Variants in ST8SIA4 observed in about 807,000 individuals in gnomAD.
ST8SIA4 encodes ST8 alpha-N-acetyl-neuraminide alpha-2,8-sialyltransferase 4.
ST8SIA4 carries 15 observed loss-of-function variants against 33.9 expected under a neutral mutation model. That is an observed-to-expected ratio of 0.44 (90% CI 0.30 to 0.68). ST8SIA4 has a LOEUF of 0.68. Among genes scored for constraint, ST8SIA4 ranks in the 30% least tolerant of loss-of-function variants. The probability of loss-of-function intolerance (pLI) is 0.10; values close to 1 mark genes in which losing one functional copy is unlikely to be tolerated. For missense variants in ST8SIA4, 321 were observed against 428.0 expected (o/e 0.75, Z 2.21); for synonymous variants, 171 against 151.2 (o/e 1.13, Z -0.96).
At chr5:100,838,981 A>G (rs1187773694) in intron 4 of ST8SIA4, among the ~76,000 whole-genome samples, 3 of 151,952 alleles carry the variant, frequency 2.0e-5, no homozygotes, top group Non-Finnish European at 4.4e-5. Flanking sequence ...TGCACTTAAA[A>G]GAGAACATTA....
intron 4 of ST8SIA4, among the ~76,000 whole-genome samples, chr5:100,850,489 T>A (rs1751668350): frequency 6.6e-6 from 1 of 151,898 alleles, no homozygotes. Context: ...ATACGATAAT[T>A]GAGTTAAATA....
chr5:100,866,542 A>G (rs1000354527), intron 3 of ST8SIA4, among the ~76,000 whole-genome samples: 54 of 151,856 alleles, frequency 3.6e-4, no homozygotes, highest in African/African-American at 1.3e-3. Flanking sequence ...TAACACTTGT[A>G]AAGGACTTCA....
intron 3 of ST8SIA4, among the ~76,000 whole-genome samples, chr5:100,883,544 A>G (rs959122590): frequency 6.6e-6 from 1 of 152,120 alleles, no homozygotes; most frequent in African/African-American, 2.4e-5. Context: ...AAATGTGAGG[A>G]CATGATATTT....
intron 2 of ST8SIA4, among the ~76,000 whole-genome samples, chr5:100,891,733 A>G (rs984370589): frequency 1.3e-5 from 2 of 151,994 alleles, no homozygotes; most frequent in African/African-American, 4.8e-5. Context: ...TTTTAATAAT[A>G]TACATTTGGG....
At chr5:100,894,712 A>G (rs1278822107) in intron 2 of ST8SIA4, among the ~76,000 whole-genome samples, 1 of 152,104 alleles carries the variant, frequency 6.6e-6, no homozygotes, top group Non-Finnish European at 1.5e-5. Flanking sequence ...CTCTTCCTTC[A>G]AATTTCTTAT....
rs547019229 is a variant in ST8SIA4, at chr5:100,824,751, A to G, written c.798-12622T>C. 1.9e-4 allele frequency among the ~76,000 whole-genome samples: 29 copies of G among 152,222 alleles called. No individual in the cohort carries two copies. In the South Asian group the frequency reaches 6.0e-3, roughly 32 times the overall value. ...ATGAGTTCCTCCAATGGCTGCCTAC[A>G]CAAAAGATTTAGTTAATAAGATCCT... On this transcript the variant is annotated intron_variant, in intron 4 of 4. Coordinates refer to ENST00000231461, the MANE Select transcript of ST8SIA4 (RefSeq NM_005668.6).
At chr5:100,821,500 T>A (rs1751030099) in intron 4 of ST8SIA4, among the ~76,000 whole-genome samples, 2 of 152,192 alleles carry the variant, frequency 1.3e-5, no homozygotes, top group Non-Finnish European at 2.9e-5. Context: ...GGTCTGATGA[T>A]CTTATTTTAG....
At chr5:100,819,684 T>G (rs1750999451) in intron 4 of ST8SIA4, among the ~76,000 whole-genome samples, 1 of 152,188 alleles carries the variant, frequency 6.6e-6, no homozygotes, top group Non-Finnish European at 1.5e-5. Flanking sequence ...TTTAAAAAAT[T>G]ACTTAGAAAC....
intron 3 of ST8SIA4, among the ~76,000 whole-genome samples, chr5:100,864,909 G>T (rs1027629878): frequency 6.6e-6 from 1 of 152,074 alleles, no homozygotes; most frequent in Admixed American, 6.5e-5. Context: ...TTAAATTTCA[G>T]TGAAGTCTAT....
chr5:100,856,736 TG>T, intron 3 of ST8SIA4, among the ~76,000 whole-genome samples: 1 of 152,320 alleles, frequency 6.6e-6, no homozygotes, highest in Non-Finnish European at 1.5e-5. Context: ...AAGGGTTCTT[TG>T]GCCATTCAGT....
At chr5:100,835,686 T>C (rs1463526588) in intron 4 of ST8SIA4, among the ~76,000 whole-genome samples, 3 of 152,176 alleles carry the variant, frequency 2.0e-5, no homozygotes, top group Non-Finnish European at 2.9e-5. Context: ...GGAAGTAACA[T>C]AGTGAAGTCC....
chr5:100,841,332 A>G (rs1226655719), intron 4 of ST8SIA4, among the ~76,000 whole-genome samples: 1 of 151,902 alleles, frequency 6.6e-6, no homozygotes, highest in African/African-American at 2.4e-5. Context: ...ATTTCTTTAA[A>G]AAGAGGTCAA....
chr5:100,841,895 T>C (rs898508219), intron 4 of ST8SIA4, among the ~76,000 whole-genome samples: 1 of 151,898 alleles, frequency 6.6e-6, no homozygotes, highest in Non-Finnish European at 1.5e-5. Flanking sequence ...CAAAACTACC[T>C]TGTCACTTCC....
At chr5:100,900,455 C>T in intron 1 of ST8SIA4, 1 of 456,254 alleles carries the variant, frequency 2.2e-6, no homozygotes, top group South Asian at 1.5e-5. Flanking sequence ...AACTCCTCCA[C>T]CAGAAGCGCT....
At chr5:100,844,576 G>A (rs1751529388) in intron 4 of ST8SIA4, among the ~76,000 whole-genome samples, 1 of 151,926 alleles carries the variant, frequency 6.6e-6, no homozygotes, top group Admixed American at 6.6e-5. Flanking sequence ...TTCTTCTCTT[G>A]TAGGTCTGAA....
chr5:100,858,386 C>T (rs1264411504), intron 3 of ST8SIA4, among the ~76,000 whole-genome samples: 1 of 152,000 alleles, frequency 6.6e-6, no homozygotes, highest in Non-Finnish European at 1.5e-5. Flanking sequence ...GTAGAGAAAA[C>T]AATATTTGTA....
Position 100,832,737 on chromosome 5 carries a change from G to T in ST8SIA4, c.798-20608C>A, listed in dbSNP as rs1423064302. On this transcript the variant is annotated intron_variant, in intron 4 of 4. Coordinates refer to ENST00000231461, the MANE Select transcript of ST8SIA4 (RefSeq NM_005668.6). ...ATAGGCTCCTGTTACATCATTCGAG[G>T]CCATCTAGAAACTTACACCAACCCA... is the stretch of plus-strand genomic sequence containing the variant. Among the ~76,000 whole-genome samples the T allele has an allele frequency of 3.3e-5, 5 of 151,878 alleles. No individual in the cohort carries two copies. The East Asian group carries it at 7.7e-4, about 23-fold the overall frequency.
chr5:100,903,137 C>A lies in ST8SIA4; in HGVS notation c.-182G>T. 1.7e-6 allele frequency: 1 copy of A among 589,506 alleles called. No homozygotes were observed. Among genetic ancestry groups the A allele is most frequent in the South Asian group, 2.1e-5 (1 of 48,184 alleles). 36.5% of individuals were successfully genotyped at this position (589,506 alleles called of 1,614,324 possible). A position where few individuals can be genotyped will look rare whatever the true frequency, so the allele number is the denominator to read the frequency against. The stretch of plus-strand genomic sequence containing the variant: ...GGCCGAGCTCCCTCTGGTCCTCGAA[C>A]GCTGCCCAGCGACCTCTCGCCCTGT... On this transcript the variant is annotated 5_prime_UTR_variant, in exon 1 of 5. Transcript: ENST00000231461.
chr5:100,868,397 A>G (rs1752123622), intron 3 of ST8SIA4, among the ~76,000 whole-genome samples: 1 of 152,042 alleles, frequency 6.6e-6, no homozygotes, highest in African/African-American at 2.4e-5. Flanking sequence ...ATGATATAAA[A>G]TCTATTCTAT....
Sources: gnomAD v4.1 joint callset for allele counts (sites outside exome capture counted in the v4.1 genomes callset) on GRCh38, gnomAD v4.1.1 for gene constraint, MANE v1.5 for transcripts, NCBI Gene and HGNC (gene_info 2026-07-23, HGNC 2026-07-21) for gene names.